PAK1IP1: variants seen among roughly 807,000 people sequenced by gnomAD.
The protein encoded by PAK1IP1 is PAK1 interacting protein 1.
Under a neutral mutation model 42.0 loss-of-function variants are expected in PAK1IP1, and 24 were observed. The ratio of observed to expected loss-of-function variants is 0.57; its 90% CI spans 0.41 to 0.80. PAK1IP1 has a LOEUF of 0.80. Ranked by LOEUF, PAK1IP1 falls within the 30% of genes least tolerant of loss-of-function variation. The pLI is 0.00. For synonymous variants in PAK1IP1, 154 were observed against 156.7 expected (o/e 0.98, Z 0.13); for missense variants, 411 against 467.9 (o/e 0.88, Z 1.12).
intron 1 of PAK1IP1, among the ~76,000 whole-genome samples, chr6:10,697,021 C>G (rs1290220348): frequency 6.6e-6 from 1 of 152,148 alleles, no homozygotes; most frequent in African/African-American, 2.4e-5. Flanking sequence ...ATCTAAAAGT[C>G]TTCCTTAGTC....
chr6:10,690,919 CTT>C (rs578031922), upstream of PAK1IP1, among the ~76,000 whole-genome samples: 875 of 152,314 alleles, frequency 5.7e-3, 8 homozygotes, highest in African/African-American at 0.02. Flanking sequence ...ATATAATTCT[CTT>C]TTGTCTTTCT....
At chr6:10,703,647 C>T (rs897867678) in intron 5 of PAK1IP1, among the ~76,000 whole-genome samples, 190 bp downstream of exon 5, 1 of 152,156 alleles carries the variant, frequency 6.6e-6, no homozygotes, top group Non-Finnish European at 1.5e-5. Flanking sequence ...GTAAAATTAC[C>T]TTCCGGCTAG....
At position 10,709,615 on chromosome 6, in the gene PAK1IP1, A is replaced by C. The variant is rs1770322133; in HGVS notation, c.*163A>C. Reference sequence around the variant, plus strand: ...AGATGGTTTTTTTTAAAAAAAAAAAAAAAACTGGTAAAATTACTTTTGGCA... The same window carrying C: ...AGATGGTTTTTTTTAAAAAAAAAAACAAAACTGGTAAAATTACTTTTGGCA... On this transcript the variant is annotated 3_prime_UTR_variant, in exon 10 of 10. Transcript: ENST00000379568. 1 of 426,798 alleles carries C rather than the reference A, an allele frequency of 2.3e-6. No homozygotes were observed. The highest frequency in any genetic ancestry group is 5.6e-5 in the South Asian group (1 of 17,882). The allele number at this position is 426,798 out of a possible 1,614,324, so 26.4% of individuals were successfully genotyped here. A position where few individuals can be genotyped will look rare whatever the true frequency, so the allele number is the denominator to read the frequency against.
rs150757751 is a variant in PAK1IP1, at chr6:10,707,263, C to T, written c.741-152C>T. The T allele has an allele frequency of 3.7e-4, 224 of 600,740 alleles. 1 individual carries two copies. The South Asian group carries it at 4.0e-3, about 11-fold the overall frequency. 37.2% of individuals were successfully genotyped at this position (600,740 alleles called of 1,614,324 possible). A position where few individuals can be genotyped will look rare whatever the true frequency, so the allele number is the denominator to read the frequency against. On this transcript the variant is annotated intron_variant, in intron 7 of 9. Coordinates refer to ENST00000379568, the MANE Select transcript of PAK1IP1 (RefSeq NM_017906.3). The stretch of plus-strand genomic sequence containing the variant: ...TGGATATATCTCATTAATGGGAATG[C>T]GAAGCATAGCTATATTTTAAGGCAC...
intron 2 of PAK1IP1, among the ~76,000 whole-genome samples, chr6:10,698,477 T>C (rs1769926147): frequency 2.0e-5 from 3 of 152,220 alleles, no homozygotes; most frequent in Admixed American, 2.0e-4. Context: ...ACCACTGGTG[T>C]TCATAGGGAA....
At position 10,702,437 on chromosome 6, in the gene PAK1IP1, T is replaced by C. The variant is rs1409725885; in HGVS notation, c.316T>C (p.Cys106Arg). Reference protein sequence around the residue: ...LISGAEDGLICIWDAKKWECL... With the variant: ...LISGAEDGLIRIWDAKKWECL... ...CAGTGGAGCGGAAGATGGACTCATC[T>C]GTATCTGGGATGCAAAGAAATGGGA... Residue 106 changes from cysteine to arginine, a missense_variant, in exon 3 of 10, where the codon TGT becomes CGT. By Grantham distance (180) the Cys-to-Arg change is radical. Coordinates refer to ENST00000379568, the MANE Select transcript of PAK1IP1 (RefSeq NM_017906.3). 1.9e-6 allele frequency: 3 copies of C among 1,613,958 alleles called. No homozygotes were observed. The East Asian group carries it at 6.7e-5, about 36-fold the overall frequency.
chr6:10,704,944 G>A (rs573706725), intron 7 of PAK1IP1, 100 bp downstream of exon 7: 2 of 752,872 alleles, frequency 2.7e-6, no homozygotes, highest in South Asian at 1.4e-5. Flanking sequence ...AACAACTGCA[G>A]AAATAATCAG....
chr6:10,700,398 C>T (rs1202256522), intron 2 of PAK1IP1, among the ~76,000 whole-genome samples: 2 of 152,156 alleles, frequency 1.3e-5, no homozygotes, highest in African/African-American at 4.8e-5. Context: ...CCTCTAATCC[C>T]GTTCATGAGG....
chr6:10,695,963 A>ATG (rs71548862), intron 1 of PAK1IP1, among the ~76,000 whole-genome samples: 7,101 of 146,570 alleles, frequency 0.048, 464 homozygotes, highest in African/African-American at 0.16. Context: ...ATGCTATTTA[A>ATG]TTTTTTTTTT....
chr6:10,709,246 G>A lies in PAK1IP1; in HGVS notation c.973G>A (p.Glu325Lys). The change falls in exon 10 of 10, where the codon GAA becomes AAA. Residue 325 changes from glutamate to lysine, a missense_variant. By Grantham distance (56) the Glu-to-Lys change is moderately conservative. Coordinates refer to ENST00000379568, the MANE Select transcript of PAK1IP1 (RefSeq NM_017906.3). The stretch of plus-strand genomic sequence containing the variant: ...TCTCTTTTGTGTTTTAGTAAGTAAA[G>A]AACAGTCCAAAATTGGCAAAAAGGA... ...PAAEPSPVSK[E>K]QSKIGKKEPG... 1.9e-6 allele frequency: 3 copies of A among 1,608,464 alleles called. No homozygotes were observed. The highest frequency in any genetic ancestry group is 2.5e-6 in the Non-Finnish European group (3 of 1,178,410).
chr6:10,699,200 CAAAAAAAAAAAA>C (rs796680429), intron 2 of PAK1IP1, among the ~76,000 whole-genome samples: 6 of 55,406 alleles, frequency 1.1e-4, no homozygotes, highest in Admixed American at 3.9e-4. Flanking sequence ...GACTCTGTCT[CAAAAAAAAAAAA>C]AAAAAAAAAA....
chr6:10,694,593 C>A, upstream of PAK1IP1: 1 of 179,550 alleles, frequency 5.6e-6, no homozygotes, highest in South Asian at 9.8e-5. Flanking sequence ...GGCGCTACAG[C>A]CCCTAAGCAA....
At chr6:10,702,964 G>A (rs1770080647) in intron 4 of PAK1IP1, among the ~76,000 whole-genome samples, 1 of 151,868 alleles carries the variant, frequency 6.6e-6, no homozygotes, top group African/African-American at 2.4e-5. Context: ...CCACCACCAC[G>A]CCCGGCTATT....
intron 7 of PAK1IP1, 93 bp from the exon 8 acceptor site, chr6:10,707,322 T>C (rs1581586926): frequency 1.0e-5 from 8 of 766,588 alleles, no homozygotes; most frequent in African/African-American, 1.7e-5. Flanking sequence ...ACTTGAAACA[T>C]TGAGAAAGCA....
At chr6:10,696,142 C>T (rs1483331620) in intron 1 of PAK1IP1, among the ~76,000 whole-genome samples, 1 of 152,114 alleles carries the variant, frequency 6.6e-6, no homozygotes, top group Non-Finnish European at 1.5e-5. Context: ...ACAGCTGACC[C>T]CAAAATGTCA....
Position 10,709,280 on chromosome 6 carries a change from A to G in PAK1IP1, c.1007A>G (p.Asp336Gly). The G allele has an allele frequency of 6.2e-7, 1 of 1,613,882 alleles. No homozygotes were observed. Among genetic ancestry groups the G allele is most frequent in the East Asian group, 2.2e-5 (1 of 44,874 alleles). The change falls in exon 10 of 10, where the codon GAC (aspartate) becomes GGC (glycine). Residue 336 changes from aspartate (D) to glycine (G), a missense_variant. Transcript: ENST00000379568. Reference sequence around the variant, plus strand: ...AAAATTGGCAAAAAGGAGCCTGGTGACACAGTGCACAAAGAAGAAAAGCGG... The same window carrying G: ...AAAATTGGCAAAAAGGAGCCTGGTGGCACAGTGCACAAAGAAGAAAAGCGG... ...QSKIGKKEPGDTVHKEEKRSK... is the reference protein window; with the variant it reads ...QSKIGKKEPGGTVHKEEKRSK...
At position 10,708,972 on chromosome 6, in the gene PAK1IP1, T is replaced by C. The variant is rs1422201546; in HGVS notation, c.860T>C (p.Leu287Pro). The C allele has an allele frequency of 6.2e-7, 1 of 1,610,936 alleles. No individual in the cohort carries two copies. The highest frequency in any genetic ancestry group is 8.5e-7 in the Non-Finnish European group (1 of 1,177,918). The change falls in exon 9 of 10, where the codon CTC becomes CCC. Residue 287 changes from leucine to proline, a missense_variant. Physicochemically the swap from Leu to Pro is moderately conservative, Grantham distance 98. Coordinates refer to ENST00000379568, the MANE Select transcript of PAK1IP1 (RefSeq NM_017906.3). ...GTTTAGAAAGTTCCCCCATCTTTAC[T>C]CTGTGAAATAAACACTAATGCCAGG... ...KQDKKVPPSL[L>P]CEINTNARLT...
At position 10,704,072 on chromosome 6, in the gene PAK1IP1, G is replaced by C. The variant is rs978506339; in HGVS notation, c.497-435G>C. On this transcript the variant is annotated intron_variant, in intron 5 of 9. Transcript: ENST00000379568. ...GAGTCTCGCTCTATCACCCAGGCTG[G>C]AGTGCAGTGGCGCTATCTCAGCTCC... is the stretch of plus-strand genomic sequence containing the variant. Among the ~76,000 whole-genome samples the C allele has an allele frequency of 1.9e-4, 29 of 151,816 alleles. 2 individuals are homozygous for C. The South Asian group carries it at 5.9e-3, about 31-fold the overall frequency.
intron 2 of PAK1IP1, 38 bp downstream of exon 2, chr6:10,697,524 G>T: frequency 6.9e-7 from 1 of 1,451,918 alleles, no homozygotes; most frequent in African/African-American, 1.4e-5. Flanking sequence ...GAACATAGAG[G>T]TTTTCTTTAC....
Sources: allele counts gnomAD v4.1 joint callset (sites outside exome capture counted in the v4.1 genomes callset), GRCh38; gene constraint gnomAD v4.1.1; transcripts MANE v1.5; gene names NCBI Gene and HGNC (gene_info 2026-07-23, HGNC 2026-07-21).